Variants in NDUFA10 observed in about 807,000 individuals in gnomAD.
The protein encoded by NDUFA10 is NADH dehydrogenase [ubiquinone] 1 alpha subcomplex subunit 10, mitochondrial.
Under a neutral mutation model 47.8 loss-of-function variants are expected in NDUFA10, and 40 were observed. That is an observed-to-expected ratio of 0.84 (90% CI 0.65 to 1.09). The LOEUF (loss-of-function observed/expected upper bound fraction) is 1.09. Ranked by LOEUF, NDUFA10 falls within the 50% of genes least tolerant of loss-of-function variation. NDUFA10 has a pLI of 0.00. For synonymous variants in NDUFA10, 183 were observed against 172.2 expected (o/e 1.06, Z -0.49); for missense variants, 413 against 451.1 (o/e 0.92, Z 0.76).
At chr2:239,998,342 C>T (rs1696563015) in intron 8 of NDUFA10, among the ~76,000 whole-genome samples, 1 of 152,216 alleles carries the variant, frequency 6.6e-6, no homozygotes, top group African/African-American at 2.4e-5. Context: ...AACCTCAGTC[C>T]TGTTAAAATC....
chr2:239,996,853 T>C (rs775423481), intron 8 of NDUFA10, among the ~76,000 whole-genome samples: 2 of 152,022 alleles, frequency 1.3e-5, no homozygotes, highest in Non-Finnish European at 2.9e-5. Flanking sequence ...TGTTATTTTA[T>C]GTGTGGTCCA....
rs913370158 is a variant in NDUFA10, at chr2:240,016,647, T to C, written c.548-1787A>G. Reference sequence around the variant, plus strand: ...TGCACCTCTGATCATTCAGCTTCAATCCCTCAGTGGGGGTCTCATCACCCC... The same window carrying C: ...TGCACCTCTGATCATTCAGCTTCAACCCCTCAGTGGGGGTCTCATCACCCC... On this transcript the variant is annotated intron_variant, in intron 4 of 9. Coordinates refer to ENST00000252711, the MANE Select transcript of NDUFA10 (RefSeq NM_004544.4). This position sits in a 1 kb window ranked among gnomAD's most constrained non-coding sequence, Gnocchi z 4.4. 3.3e-4 allele frequency among the ~76,000 whole-genome samples: 50 copies of C among 152,122 alleles called. No individual in the cohort carries two copies. The highest frequency in any genetic ancestry group is 1.2e-3 in the African/African-American group (50 of 41,472).
rs1439935901 is a variant in NDUFA10 at position 239,935,465 on chromosome 2, T to C, written c.295-40151A>G. Among the ~76,000 whole-genome samples, 4 of 152,190 alleles carry C rather than the reference T, an allele frequency of 2.6e-5. No individual in the cohort carries two copies. The South Asian group carries it at 6.2e-4, about 24-fold the overall frequency. On this transcript the variant is annotated intron_variant, in intron 4 of 5. Coordinates refer to the NDUFA10 transcript ENST00000419408. ...TCGGGCCTCGGGGAGCAGCCTGCAC[T>C]TCCCATTTCTGCATTTGTCCCCATC... is the stretch of plus-strand genomic sequence containing the variant.
chr2:239,900,282 G>T (rs113858017), intron 4 of NDUFA10, among the ~76,000 whole-genome samples: 2 of 119,130 alleles, frequency 1.7e-5, no homozygotes, highest in African/African-American at 3.1e-5. Context: ...CCTTGTGATC[G>T]TGTGAGTCAA....
At chr2:239,933,558 C>G (rs1694213709) in intron 4 of NDUFA10, among the ~76,000 whole-genome samples, 2 of 151,696 alleles carry the variant, frequency 1.3e-5, no homozygotes, top group South Asian at 4.2e-4. Context: ...GCTCTGTCAC[C>G]CAGGCTGGAG....
At chr2:239,973,594 C>G (rs754608322) in intron 9 of NDUFA10, 1 of 471,158 alleles carries the variant, frequency 2.1e-6, no homozygotes, top group East Asian at 6.9e-5. Context: ...AAGGAGGGAA[C>G]GATCAGCTTC....
chr2:239,956,584 A>T (rs1300404256), downstream of NDUFA10, among the ~76,000 whole-genome samples: 5 of 152,224 alleles, frequency 3.3e-5, no homozygotes, highest in Admixed American at 3.3e-4. Context: ...GGGACGGCCC[A>T]GTGCTAAGCA....
At chr2:239,915,341 ATACT>A in intron 4 of NDUFA10, among the ~76,000 whole-genome samples, 2 of 142,324 alleles carry the variant, frequency 1.4e-5, no homozygotes, top group African/African-American at 2.7e-5. Flanking sequence ...GAACGAAGAC[ATACT>A]CAGACACACA....
At chr2:239,936,511 T>G (rs1458057810) in intron 4 of NDUFA10, among the ~76,000 whole-genome samples, 1 of 151,954 alleles carries the variant, frequency 6.6e-6, no homozygotes, top group East Asian at 1.9e-4. Context: ...AACTGCAGGC[T>G]GGGGGATGAC....
chr2:239,968,185 G>A (rs1297284345), intron 9 of NDUFA10, among the ~76,000 whole-genome samples: 2 of 152,216 alleles, frequency 1.3e-5, no homozygotes, highest in Non-Finnish European at 2.9e-5. Context: ...GGCGAAAAGG[G>A]TGGAGAAATC....
intron 9 of NDUFA10, among the ~76,000 whole-genome samples, chr2:239,963,832 G>A (rs1317329101): frequency 6.6e-6 from 1 of 152,208 alleles, no homozygotes; most frequent in Non-Finnish European, 1.5e-5. Flanking sequence ...TGAGGCCTGA[G>A]GCTGCAGAGG....
chr2:239,913,436 G>A (rs1315570045), intron 4 of NDUFA10, among the ~76,000 whole-genome samples: 1 of 152,248 alleles, frequency 6.6e-6, no homozygotes, highest in Admixed American at 6.5e-5. Flanking sequence ...TGGTCACGTG[G>A]TGAACCTTGG....
At chr2:240,021,524 G>C in intron 2 of NDUFA10, 112 bp from the exon 3 acceptor site, 4 of 944,656 alleles carry the variant, frequency 4.2e-6, no homozygotes, top group South Asian at 4.2e-5. Flanking sequence ...GCCAGGGATG[G>C]AGCCAATGAC....
At chr2:239,969,833 A>G (rs80331555) in intron 9 of NDUFA10, 118 of 464,146 alleles carry the variant, frequency 2.5e-4, no homozygotes, top group African/African-American at 2.2e-3. Context: ...AAGGCAGAGC[A>G]GCAGAAACTA....
downstream of NDUFA10, among the ~76,000 whole-genome samples, chr2:239,957,197 T>G (rs1474637581): frequency 6.6e-6 from 1 of 152,234 alleles, no homozygotes; most frequent in East Asian, 1.9e-4. Context: ...CCTCAGCCAC[T>G]GCTAGCATTT....
chr2:239,985,168 A>T (rs1695948400), intron 9 of NDUFA10, among the ~76,000 whole-genome samples: 1 of 152,080 alleles, frequency 6.6e-6, no homozygotes, highest in African/African-American at 2.4e-5. Flanking sequence ...AGATTAAACA[A>T]CCCCAAACCA....
At chr2:240,020,358 G>A (rs144988364) in intron 3 of NDUFA10, among the ~76,000 whole-genome samples, 2,739 of 152,284 alleles carry the variant, frequency 0.018, 41 homozygotes, top group Middle Eastern at 0.02. Context: ...CCCTCTCTCC[G>A]CACACAGATG....
chr2:239,934,875 C>T (rs1694238824), intron 4 of NDUFA10, among the ~76,000 whole-genome samples: 1 of 152,180 alleles, frequency 6.6e-6, no homozygotes, highest in East Asian at 1.9e-4. Flanking sequence ...CAGACAACCC[C>T]ACTCCCTCTC....
chr2:240,001,417 T>C (rs1443545648), intron 8 of NDUFA10, among the ~76,000 whole-genome samples: 1 of 152,212 alleles, frequency 6.6e-6, no homozygotes. Flanking sequence ...ATACACATGG[T>C]TCTGAGCCTT....
Sources: allele counts gnomAD v4.1 joint callset (sites outside exome capture counted in the v4.1 genomes callset), GRCh38; gene constraint gnomAD v4.1.1; non-coding constraint Gnocchi (gnomAD v3.1); transcripts MANE v1.5; gene names NCBI Gene and HGNC (gene_info 2026-07-23, HGNC 2026-07-21).